SUMF1: variants seen among roughly 807,000 people sequenced by gnomAD.
SUMF1 encodes the protein sulfatase modifying factor 1, also known as formylglycine-generating enzyme.
In SUMF1, 48 loss-of-function variants were observed where a neutral mutation model predicts 47.6. The ratio of observed to expected loss-of-function variants is 1.01; its 90% CI spans 0.80 to 1.28. The LOEUF (loss-of-function observed/expected upper bound fraction) is 1.28. Among genes scored for constraint, SUMF1 ranks in the 50% most tolerant of loss-of-function variants. The probability of loss-of-function intolerance (pLI) is 0.00; values close to 1 mark genes in which losing one functional copy is unlikely to be tolerated. For synonymous variants in SUMF1, 230 were observed against 192.1 expected (o/e 1.20, Z -1.63); for missense variants, 571 against 485.4 (o/e 1.18, Z -1.66).
Position 4,108,561 on chromosome 3 carries a change from T to A in SUMF1, c.1015-39816A>T, listed in dbSNP as rs1693213111. Among the ~76,000 whole-genome samples, 3 of 152,094 alleles carry A rather than the reference T, an allele frequency of 2.0e-5. No individual in the cohort carries two copies. The South Asian group carries it at 6.2e-4, about 32-fold the overall frequency. ...CATTACTATGGTGTGGGAGTCTAAG[T>A]CTCTTTCTAGGTCTCTAAGGACTTG... On this transcript the variant is annotated intron_variant and NMD_transcript_variant, in intron 8 of 12. Transcript: ENST00000448413.
At chr3:4,463,381 T>C (rs561277362) in intron 1 of SUMF1, among the ~76,000 whole-genome samples, 2 of 152,258 alleles carry the variant, frequency 1.3e-5, no homozygotes, top group East Asian at 1.9e-4. Flanking sequence ...TCCCAGCTAC[T>C]TGGGAGGCTG....
At chr3:4,186,100 C>A (rs528807439) in intron 8 of SUMF1, among the ~76,000 whole-genome samples, 2 of 152,236 alleles carry the variant, frequency 1.3e-5, no homozygotes, top group African/African-American at 4.8e-5. Context: ...TTCAAATACA[C>A]CCAAGATGTT....
At chr3:4,416,100 A>G (rs1407712429) in intron 6 of SUMF1, among the ~76,000 whole-genome samples, 1 of 152,226 alleles carries the variant, frequency 6.6e-6, no homozygotes, top group East Asian at 1.9e-4. Context: ...ATGCCAGCAA[A>G]AGAACGGTGA....
intron 8 of SUMF1, among the ~76,000 whole-genome samples, chr3:4,178,582 T>A (rs968392789): frequency 6.6e-6 from 1 of 152,136 alleles, no homozygotes; most frequent in Admixed American, 6.5e-5. Context: ...ACAGCCAATA[T>A]CATACTGAAT....
rs150715102 is a variant in SUMF1, at chr3:4,221,222, T to C, written c.1015-152477A>G. ...AACATGTGCTGATGCCATAGACACA[T>C]ATGCCAATGCAGCAGCAGTACTAAG... On this transcript the variant is annotated intron_variant and NMD_transcript_variant, in intron 8 of 12. Transcript: ENST00000448413. Among the ~76,000 whole-genome samples the C allele has an allele frequency of 1.7e-3, 257 of 152,258 alleles. 2 individuals are homozygous for C. Among genetic ancestry groups the C allele is most frequent in the African/African-American group, 6.0e-3 (251 of 41,570 alleles).
chr3:4,274,112 CA>C (rs1697366515), intron 8 of SUMF1, among the ~76,000 whole-genome samples: 1 of 151,700 alleles, frequency 6.6e-6, no homozygotes. Flanking sequence ...ATACTAAAAA[CA>C]AACAAACAAA....
At chr3:4,398,681 G>A (rs1701114048) in intron 7 of SUMF1, among the ~76,000 whole-genome samples, 1 of 152,126 alleles carries the variant, frequency 6.6e-6, no homozygotes, top group African/African-American at 2.4e-5. Context: ...AGGTAAGAAG[G>A]ACAAGAAACT....
chr3:4,215,048 G>A (rs1695888211), intron 8 of SUMF1, among the ~76,000 whole-genome samples: 1 of 152,136 alleles, frequency 6.6e-6, no homozygotes, highest in South Asian at 2.1e-4. Flanking sequence ...CTCATTTTAT[G>A]AGGCCAACAT....
At chr3:4,248,766 G>A (rs1212573737) in intron 8 of SUMF1, among the ~76,000 whole-genome samples, 1 of 152,178 alleles carries the variant, frequency 6.6e-6, no homozygotes, top group Admixed American at 6.5e-5. Flanking sequence ...AAGAAAAAGA[G>A]AACTATAGAC....
chr3:4,450,587 C>A (rs1474494809), intron 2 of SUMF1, among the ~76,000 whole-genome samples: 1 of 152,082 alleles, frequency 6.6e-6, no homozygotes, highest in Non-Finnish European at 1.5e-5. Context: ...GATATAAGGT[C>A]AATATCAGAT....
At chr3:4,157,127 C>T (rs1694470493) in intron 8 of SUMF1, among the ~76,000 whole-genome samples, 2 of 151,518 alleles carry the variant, frequency 1.3e-5, no homozygotes, top group Non-Finnish European at 1.5e-5. Context: ...GATGTGTCTA[C>T]CCCATTTAAT....
At chr3:4,125,012 TA>T (rs1693625347) in intron 8 of SUMF1, among the ~76,000 whole-genome samples, 1 of 152,136 alleles carries the variant, frequency 6.6e-6, no homozygotes, top group Admixed American at 6.5e-5. Context: ...GCCTTAGGCC[TA>T]ATCTTTCCCA....
intron 8 of SUMF1, among the ~76,000 whole-genome samples, chr3:4,263,574 G>A (rs1247879068): frequency 3.9e-5 from 6 of 152,054 alleles, no homozygotes; most frequent in East Asian, 1.9e-4. Context: ...TTCTATTCCA[G>A]CAACCCACCA....
chr3:4,088,672 A>G (rs1344155382), intron 8 of SUMF1, among the ~76,000 whole-genome samples: 2 of 152,062 alleles, frequency 1.3e-5, no homozygotes, highest in Non-Finnish European at 2.9e-5. Context: ...TGCTTCCCTC[A>G]CTGTTGAGTC....
At chr3:4,380,049 T>A (rs1297546260) in intron 7 of SUMF1, among the ~76,000 whole-genome samples, 1 of 152,150 alleles carries the variant, frequency 6.6e-6, no homozygotes, top group Non-Finnish European at 1.5e-5. Flanking sequence ...TGGTGGTGTT[T>A]AAACACCTCA....
chr3:4,435,125 C>T (rs1445946639), intron 3 of SUMF1, among the ~76,000 whole-genome samples: 2 of 152,138 alleles, frequency 1.3e-5, no homozygotes, highest in African/African-American at 2.4e-5. Context: ...TGGGGTTTCA[C>T]CACGTTAGCC....
chr3:4,234,067 A>T (rs1696356204), intron 8 of SUMF1, among the ~76,000 whole-genome samples: 2 of 152,072 alleles, frequency 1.3e-5, no homozygotes. Flanking sequence ...GGGAACTTGG[A>T]TAATTTTTCA....
At chr3:4,353,413 C>T (rs1008594783) in intron 8 of SUMF1, among the ~76,000 whole-genome samples, 4 of 152,126 alleles carry the variant, frequency 2.6e-5, no homozygotes, top group South Asian at 2.1e-4. Context: ...CCACCACGCC[C>T]GGCTAATTTT....
intron 8 of SUMF1, among the ~76,000 whole-genome samples, chr3:4,243,392 G>A (rs1208041272): frequency 6.6e-6 from 1 of 152,038 alleles, no homozygotes; most frequent in Non-Finnish European, 1.5e-5. Context: ...TTCTCTTGTG[G>A]GCATTTAGTG....
Sources: allele counts gnomAD v4.1 joint callset (sites outside exome capture counted in the v4.1 genomes callset), GRCh38; gene constraint gnomAD v4.1.1; transcripts MANE v1.5; gene names NCBI Gene and HGNC (gene_info 2026-07-23, HGNC 2026-07-21).